The following ATR variants were observed in gnomAD, a reference collection of about 807,000 sequenced individuals.
ATR encodes the protein serine/threonine-protein kinase ATR.
Under a neutral mutation model 305.3 loss-of-function variants are expected in ATR, and 142 were observed. The ratio of observed to expected loss-of-function variants is 0.47; its 90% CI spans 0.41 to 0.53. The LOEUF is 0.53. Among genes scored for constraint, ATR ranks in the 20% least tolerant of loss-of-function variants. The pLI is 0.00. For synonymous variants in ATR, 1,050 were observed against 1,068.1 expected, an observed-to-expected ratio of 0.98 and a Z score of 0.33; for missense variants, 2,135 against 3,133.1, an observed-to-expected ratio of 0.68 and a Z score of 7.60.
chr3:142,503,598 G>C (rs72556530), intron 29 of ATR, 145 bp from the exon 30 acceptor site: 61 of 379,730 alleles, frequency 1.6e-4, no homozygotes, highest in African/African-American at 1.3e-3. Flanking sequence ...TTAATTTTTT[G>C]TAGAGACAGG....
intron 1 of ATR, among the ~76,000 whole-genome samples, chr3:142,574,020 G>A (rs2035358068): frequency 1.3e-5 from 2 of 152,328 alleles, no homozygotes; most frequent in South Asian, 2.1e-4. Flanking sequence ...AGGAACATGG[G>A]AAGAGGAGCC....
At chr3:142,539,626 T>C (rs2033978812) in intron 18 of ATR, among the ~76,000 whole-genome samples, 1 of 152,160 alleles carries the variant, frequency 6.6e-6, no homozygotes, top group Non-Finnish European at 1.5e-5. Flanking sequence ...ATATGAACTA[T>C]GGTTGTTTTG....
chr3:142,528,879 A>ATATATATATATATATATATT (rs1215767510), intron 21 of ATR, among the ~76,000 whole-genome samples: 1 of 30,486 alleles, frequency 3.3e-5, no homozygotes, highest in Non-Finnish European at 5.0e-5. Context: ...ATATATATAT[A>ATATATATATATATATATATT]TTTTTTTTTT....
At chr3:142,464,156 G>A (rs1302176997) in intron 41 of ATR, among the ~76,000 whole-genome samples, 1 of 152,000 alleles carries the variant, frequency 6.6e-6, no homozygotes, top group Admixed American at 6.6e-5. Context: ...TCAGGGTCTT[G>A]GCTCTGTCAT....
At chr3:142,545,355 AG>A (rs111574158) in intron 16 of ATR, among the ~76,000 whole-genome samples, 7,767 of 152,226 alleles carry the variant, frequency 0.051, 669 homozygotes, top group African/African-American at 0.18. Flanking sequence ...AGAAAGATCC[AG>A]GAGATTATTC....
At chr3:142,526,476 G>A (rs1041360190) in intron 21 of ATR, among the ~76,000 whole-genome samples, 2 of 151,692 alleles carry the variant, frequency 1.3e-5, no homozygotes, top group African/African-American at 4.8e-5. Context: ...CAGTGGGAAT[G>A]TTTCTTGTTT....
At chr3:142,509,376 T>C (rs2032427566) in intron 27 of ATR, among the ~76,000 whole-genome samples, 1 of 151,772 alleles carries the variant, frequency 6.6e-6, no homozygotes, top group Admixed American at 6.6e-5. Flanking sequence ...GTTGCACAGG[T>C]TGATCTTGAA....
chr3:142,529,438 T>C (rs1309441724), intron 21 of ATR, among the ~76,000 whole-genome samples: 1 of 152,214 alleles, frequency 6.6e-6, no homozygotes, highest in African/African-American at 2.4e-5. Flanking sequence ...ATTTCTAGTT[T>C]ATTAGAATAT....
At chr3:142,468,208 G>T in intron 38 of ATR, 140 bp from the exon 39 acceptor site, 1 of 1,007,476 alleles carries the variant, frequency 9.9e-7, no homozygotes, top group Non-Finnish European at 1.4e-6. Context: ...AATTTATTTG[G>T]CAATGCTATC....
intron 17 of ATR, among the ~76,000 whole-genome samples, chr3:142,541,890 G>T (rs1168209808): frequency 1.3e-5 from 2 of 151,980 alleles, no homozygotes; most frequent in African/African-American, 4.8e-5. Flanking sequence ...AAAAAAAGGA[G>T]GGGAGAGTAT....
At chr3:142,502,022 C>T (rs1268579413) in intron 30 of ATR, among the ~76,000 whole-genome samples, 1 of 152,160 alleles carries the variant, frequency 6.6e-6, no homozygotes, top group Non-Finnish European at 1.5e-5. Context: ...GCTGCAATTA[C>T]AGGCATGAGC....
At chr3:142,529,222 T>C (rs1185261718) in intron 21 of ATR, among the ~76,000 whole-genome samples, 2 of 151,992 alleles carry the variant, frequency 1.3e-5, no homozygotes, top group African/African-American at 4.8e-5. Flanking sequence ...AAAGGTGAAA[T>C]ATTATTTACC....
At chr3:142,451,189 G>A (rs1207735931) in intron 46 of ATR, 4 of 1,182,798 alleles carry the variant, frequency 3.4e-6, no homozygotes, top group Non-Finnish European at 4.2e-6. Flanking sequence ...TCAACTTGTT[G>A]GGGATCGAGG....
intron 4 of ATR, 134 bp downstream of exon 4, chr3:142,562,098 G>A: frequency 9.4e-7 from 1 of 1,063,216 alleles, no homozygotes; most frequent in East Asian, 2.6e-5. Flanking sequence ...ACTACACTAT[G>A]AAAATCATTA....
At chr3:142,571,189 C>T (rs774151279) in intron 1 of ATR, among the ~76,000 whole-genome samples, 14 of 152,104 alleles carry the variant, frequency 9.2e-5, no homozygotes, top group African/African-American at 2.9e-4. Flanking sequence ...CAAAAGCGGC[C>T]GGGCATGGTG....
intron 39 of ATR, 25 bp downstream of exon 39, chr3:142,467,909 A>G (rs2071167340): frequency 6.2e-7 from 1 of 1,610,462 alleles, no homozygotes; most frequent in Non-Finnish European, 8.5e-7. Context: ...ACATCAGTTT[A>G]TAAGCACTAA....
At chr3:142,503,877 C>A (rs1316512876) in intron 29 of ATR, among the ~76,000 whole-genome samples, 6 of 152,072 alleles carry the variant, frequency 3.9e-5, no homozygotes, top group Non-Finnish European at 8.8e-5. Context: ...TGGTTCACAT[C>A]CAATATAAAA....
chr3:142,550,043 C>T, intron 14 of ATR, 89 bp downstream of exon 14: 1 of 1,511,910 alleles, frequency 6.6e-7, no homozygotes, highest in East Asian at 2.3e-5. Context: ...ACAGCATAAG[C>T]AATAATCTCA....
At chr3:142,556,600 A>G in intron 8 of ATR, 25 bp from the exon 9 acceptor site, 1 of 1,605,476 alleles carries the variant, frequency 6.2e-7, no homozygotes, top group Non-Finnish European at 8.5e-7. Context: ...TCTATTAAAC[A>G]AGATTTCTAC....
Sources: allele counts gnomAD v4.1 joint callset (sites outside exome capture counted in the v4.1 genomes callset), GRCh38; gene constraint gnomAD v4.1.1; transcripts MANE v1.5; gene names NCBI Gene and HGNC (gene_info 2026-07-23, HGNC 2026-07-21).